The following TTBK2 variants were observed in gnomAD, a reference collection of about 807,000 sequenced individuals.
TTBK2 encodes the protein tau-tubulin kinase 2.
In TTBK2, 28 loss-of-function variants were observed where a neutral mutation model predicts 110.8. The observed-to-expected ratio is 0.25, with a 90% CI of 0.19 to 0.35. The LOEUF (loss-of-function observed/expected upper bound fraction) is 0.35. Ranked by LOEUF, TTBK2 falls within the 10% of genes least tolerant of loss-of-function variation. The pLI is 1.00. For synonymous variants in TTBK2, 532 were observed against 527.3 expected (o/e 1.01, Z -0.12); for missense variants, 1,369 against 1,500.3 (o/e 0.91, Z 1.45).
Position 42,752,233 on chromosome 15 carries a change from C to T in TTBK2, c.3013G>A (p.Glu1005Lys). Residue 1005 changes from glutamate to lysine, a missense_variant, in exon 14 of 15, where the codon GAG (glutamate) becomes AAG (lysine). Physicochemically the swap from Glu to Lys is moderately conservative, Grantham distance 56 (BLOSUM62 1). This residue lies in a region of TTBK2 where 1,097 missense variants were observed against 1,114.7 expected (regional missense o/e 0.98). Coordinates refer to ENST00000267890, the MANE Select transcript of TTBK2 (RefSeq NM_173500.4). Reference sequence around the variant, plus strand: ...GGAGCAGGAACAGTAGCTAGTTTCTCCTCTAGCAATTTATCAGAGGCACTT... The same window carrying T: ...GGAGCAGGAACAGTAGCTAGTTTCTTCTCTAGCAATTTATCAGAGGCACTT... Reference protein sequence around the residue: ...LSSASDKLLEEKLATVPAPFC... With the variant: ...LSSASDKLLEKKLATVPAPFC... 6.2e-7 allele frequency: 1 copy of T among 1,614,046 alleles called. No homozygotes were observed. Among genetic ancestry groups the T allele is most frequent in the Non-Finnish European group, 8.5e-7 (1 of 1,179,992 alleles).
chr15:42,878,492 TACAC>T lies in TTBK2; in HGVS notation c.69+53_69+56del, dbSNP rs10650948. 3.9e-3 allele frequency: 5,995 copies of T among 1,540,630 alleles called. 10 individuals carry two copies. The South Asian group carries it at 0.048, about 12-fold the overall frequency. On this transcript the variant is annotated intron_variant, in intron 2 of 14. Coordinates refer to ENST00000267890, the MANE Select transcript of TTBK2 (RefSeq NM_173500.4). Reference sequence around the variant, plus strand: ...ACCAAAAATTACCCCCCGATATGTATACACACACACACACACACACACACACACA... The same window carrying T: ...ACCAAAAATTACCCCCCGATATGTATACACACACACACACACACACACACA...
intron 1 of TTBK2, among the ~76,000 whole-genome samples, chr15:42,879,455 G>C (rs1263703852): frequency 2.6e-5 from 4 of 152,136 alleles, no homozygotes; most frequent in Non-Finnish European, 5.9e-5. Flanking sequence ...TAATGAAAAT[G>C]ATGGATTCTT....
chr15:42,825,427 G>C (rs1297543986), intron 6 of TTBK2, among the ~76,000 whole-genome samples: 1 of 152,176 alleles, frequency 6.6e-6, no homozygotes, highest in Non-Finnish European at 1.5e-5. Flanking sequence ...TCCTGGGCCT[G>C]AGTTCAGGTG....
chr15:42,835,202 AAAACC>A (rs1892939794), intron 4 of TTBK2, among the ~76,000 whole-genome samples: 1 of 152,170 alleles, frequency 6.6e-6, no homozygotes, highest in African/African-American at 2.4e-5. Flanking sequence ...CATTAGGAGA[AAAACC>A]ACTGGTAACT....
At chr15:42,790,853 T>C (rs1890638966) in intron 10 of TTBK2, among the ~76,000 whole-genome samples, 1 of 151,698 alleles carries the variant, frequency 6.6e-6, no homozygotes, top group Admixed American at 6.6e-5. Context: ...GTGTGCGCCA[T>C]CATGCCCAGC....
chr15:42,872,546 G>A, intron 3 of TTBK2, 65 bp downstream of exon 3: 1 of 1,560,978 alleles, frequency 6.4e-7, no homozygotes. Flanking sequence ...TAAGGTTCAG[G>A]AAGATACAAA....
In TTBK2 at chr15:42,799,970, C is replaced by T. The variant is rs572553267; in HGVS notation, c.823-5169G>A. Among the ~76,000 whole-genome samples, 6 of 152,120 alleles carry T rather than the reference C, an allele frequency of 3.9e-5. No individual in the cohort carries two copies. In the East Asian group the frequency reaches 1.2e-3, roughly 29 times the overall value. The stretch of plus-strand genomic sequence containing the variant: ...AAAATTAGCCAGGTGTGGTGGTGTA[C>T]ACTTCTGGTCTCAACTACTTGGGAG... On this transcript the variant is annotated intron_variant, in intron 9 of 14. Transcript: ENST00000267890.
intron 1 of TTBK2, among the ~76,000 whole-genome samples, chr15:42,892,647 G>A (rs1355559633): frequency 6.9e-6 from 1 of 144,008 alleles, no homozygotes; most frequent in East Asian, 2.0e-4. Flanking sequence ...TGAGGCTGCA[G>A]TGAGCTGTGA....
intron 1 of TTBK2, among the ~76,000 whole-genome samples, chr15:42,885,629 C>T (rs1180142010): frequency 6.6e-6 from 1 of 152,198 alleles, no homozygotes; most frequent in Non-Finnish European, 1.5e-5. Flanking sequence ...CCCTTAGCAG[C>T]AAGCACCGCC....
chr15:42,822,034 T>C (rs1345300842), intron 6 of TTBK2, among the ~76,000 whole-genome samples: 4 of 152,312 alleles, frequency 2.6e-5, no homozygotes, highest in East Asian at 1.9e-4. Flanking sequence ...ACTAATGATA[T>C]TGACCATCTC....
chr15:42,769,915 A>C (rs577357051), intron 13 of TTBK2, among the ~76,000 whole-genome samples: 6 of 152,314 alleles, frequency 3.9e-5, no homozygotes, highest in South Asian at 2.1e-4. Flanking sequence ...ACGGAATACT[A>C]TGCAGCCATA....
At chr15:42,789,642 G>A (rs938675742) in intron 10 of TTBK2, among the ~76,000 whole-genome samples, 4 of 152,134 alleles carry the variant, frequency 2.6e-5, no homozygotes, top group Non-Finnish European at 4.4e-5. Context: ...TCTGAGGCAG[G>A]AGAATCCCTT....
chr15:42,771,050 T>C (rs8042980), intron 13 of TTBK2, among the ~76,000 whole-genome samples: 30,053 of 151,480 alleles, frequency 0.2, 3,125 homozygotes, highest in Admixed American at 0.28. Context: ...CTCGGCTCAC[T>C]GCAACCTCCG....
intron 10 of TTBK2, among the ~76,000 whole-genome samples, chr15:42,791,811 T>C (rs1035923391): frequency 6.6e-6 from 1 of 152,168 alleles, no homozygotes; most frequent in African/African-American, 2.4e-5. Context: ...ATCAATCCTA[T>C]GTTATTCCAA....
chr15:42,897,877 T>A (rs1319059888), intron 1 of TTBK2, among the ~76,000 whole-genome samples: 1 of 148,484 alleles, frequency 6.7e-6, no homozygotes, highest in East Asian at 2.0e-4. Context: ...GAACTTCCAA[T>A]CAGCTTCACT....
At chr15:42,899,817 G>A (rs1018208217) in intron 1 of TTBK2, among the ~76,000 whole-genome samples, 25 of 150,150 alleles carry the variant, frequency 1.7e-4, no homozygotes, top group African/African-American at 4.9e-4. Context: ...CAGGAGAATC[G>A]CTTGAATCCA....
At position 42,878,623 on chromosome 15, in the gene TTBK2, T is replaced by A; in HGVS notation, c.-6A>T. ...TGCTCTCCTCCCCCACTCATTGCAA[T>A]ACACTGATATGGTAGAACAGCTACA... On this transcript the variant is annotated 5_prime_UTR_variant, in exon 2 of 15. Transcript: ENST00000267890. 6.2e-7 allele frequency: 1 copy of A among 1,613,064 alleles called. No homozygotes were observed. Among genetic ancestry groups the A allele is most frequent in the East Asian group, 2.2e-5 (1 of 44,806 alleles).
chr15:42,769,295 C>A (rs1889545165), intron 13 of TTBK2, among the ~76,000 whole-genome samples: 1 of 152,102 alleles, frequency 6.6e-6, no homozygotes, highest in Admixed American at 6.6e-5. Flanking sequence ...TCCTGCACAG[C>A]AAAAGAAACT....
intron 13 of TTBK2, among the ~76,000 whole-genome samples, chr15:42,766,453 A>AAAAAAAAAAAAAAAAAAAAAG (rs1416132261): frequency 7.0e-6 from 1 of 142,914 alleles, no homozygotes; most frequent in African/African-American, 2.8e-5. Flanking sequence ...AAGCAAAAAA[A>AAAAAAAAAAAAAAAAAAAAAG]AAAAAAAAAA....
Sources: allele counts gnomAD v4.1 joint callset (sites outside exome capture counted in the v4.1 genomes callset), GRCh38; gene constraint gnomAD v4.1.1; regional missense constraint gnomAD v4.1.1; transcripts MANE v1.5; gene names NCBI Gene and HGNC (gene_info 2026-07-23, HGNC 2026-07-21).